The following SREBF2 variants were observed in gnomAD, a reference collection of about 807,000 sequenced individuals.
SREBF2 encodes the protein sterol regulatory element binding transcription factor 2.
SREBF2 carries 55 observed loss-of-function variants against 113.1 expected under a neutral mutation model. The observed-to-expected ratio is 0.49, with a 90% CI of 0.39 to 0.61. The LOEUF (loss-of-function observed/expected upper bound fraction) is 0.61, where lower values mean the gene tolerates loss of function less well. SREBF2 is among the 20% of genes least tolerant of loss of function. The probability of loss-of-function intolerance (pLI) is 0.00; values close to 1 mark genes in which losing one functional copy is unlikely to be tolerated. For missense variants in SREBF2, 1,349 were observed against 1,487.4 expected, an observed-to-expected ratio of 0.91 and a Z score of 1.53; for synonymous variants, 593 against 605.7, an observed-to-expected ratio of 0.98 and a Z score of 0.31.
chr22:41,852,090 C>T (rs889458528), intron 1 of SREBF2, among the ~76,000 whole-genome samples: 2 of 151,962 alleles, frequency 1.3e-5, no homozygotes, highest in Non-Finnish European at 2.9e-5. Context: ...CACTGCACTC[C>T]AGCCTGGGCG....
At chr22:41,886,774 C>G (rs1307347213) in intron 11 of SREBF2, among the ~76,000 whole-genome samples, 1 of 152,262 alleles carries the variant, frequency 6.6e-6, no homozygotes, top group Non-Finnish European at 1.5e-5. Context: ...TGGCTTACCC[C>G]TGTAATCCCG....
At chr22:41,885,059 C>A (rs1421581021) in intron 11 of SREBF2, 48 bp downstream of exon 11, 1 of 1,606,564 alleles carries the variant, frequency 6.2e-7, no homozygotes, top group Admixed American at 1.7e-5. Flanking sequence ...GAGCACTTAC[C>A]TAGCCAGGAG....
Position 41,905,802 on chromosome 22 carries a change from A to T in SREBF2, c.*142A>T. ...GCTTCTGGGCCACTCAGGCCAGTGC[A>T]CCCCTGGGCAGAGCCCCTTAAAGCT... is the stretch of plus-strand genomic sequence containing the variant. On this transcript the variant is annotated 3_prime_UTR_variant, in exon 19 of 19. Transcript: ENST00000361204. 1.1e-6 allele frequency: 1 copy of T among 940,914 alleles called. No homozygotes were observed. The highest frequency in any genetic ancestry group is 1.7e-6 in the Non-Finnish European group (1 of 593,794). The allele number at this position is 940,914 out of a possible 1,614,324, so 58.3% of individuals were successfully genotyped here.
Position 41,866,942 on chromosome 22 carries a change from GTGGCAGCAGCAGCAGCAGCAGCAA to G in SREBF2, c.207_230del (p.Ser69_Gly76del), listed in dbSNP as rs1569388283. The G allele has an allele frequency of 3.1e-6, 5 of 1,613,764 alleles. No individual in the cohort carries two copies. Among genetic ancestry groups the G allele is most frequent in the Admixed American group, 3.3e-5 (2 of 60,002 alleles). ...GGTAGTGGTAGCAGCAGCGGCAGCA[GTGGCAGCAGCAGCAGCAGCAGCAA>G]TGGCAGGGGCAGCAGCAGCGGAGCT... is the stretch of plus-strand genomic sequence containing the variant. On this transcript the variant is annotated inframe_deletion, in exon 2 of 19. Coordinates refer to ENST00000361204, the MANE Select transcript of SREBF2 (RefSeq NM_004599.4).
chr22:41,848,353 C>T (rs1349294850), intron 1 of SREBF2, among the ~76,000 whole-genome samples: 1 of 152,098 alleles, frequency 6.6e-6, no homozygotes, highest in Non-Finnish European at 1.5e-5. Context: ...TCCCAAAGTG[C>T]TGGGATTACA....
chr22:41,900,132 G>C lies in SREBF2; in HGVS notation c.2739-198G>C, dbSNP rs1255970368. ...CCAGCATTGAATGAAGGTGCTAAAG[G>C]GTGGGGCGCTAACCCTAGCTCAGGG... is the stretch of plus-strand genomic sequence containing the variant. On this transcript the variant is annotated intron_variant, in intron 15 of 18. Transcript: ENST00000361204. The C allele has an allele frequency of 2.0e-6, 3 of 1,475,934 alleles. No individual in the cohort carries two copies. In the African/African-American group the frequency reaches 4.2e-5, roughly 21 times the overall value. 91.4% of individuals were successfully genotyped at this position (1,475,934 alleles called of 1,614,324 possible).
In SREBF2 at chr22:41,905,079, G is replaced by A. The variant is rs913289730; in HGVS notation, c.3205+105G>A. On this transcript the variant is annotated intron_variant, in intron 18 of 18. Transcript: ENST00000361204. ...CTCCCACATCTGGCATTGGTGCCCAGCACACCTCTCGCCTCTCTGAGAATG... is the reference window on the plus strand; with the variant it reads ...CTCCCACATCTGGCATTGGTGCCCAACACACCTCTCGCCTCTCTGAGAATG... 2.5e-5 allele frequency: 27 copies of A among 1,087,496 alleles called. No homozygotes were observed. The South Asian group carries it at 2.9e-4, about 12-fold the overall frequency. The allele number at this position is 1,087,496 out of a possible 1,614,324, so 67.4% of individuals were successfully genotyped here. A position where few individuals can be genotyped will look rare whatever the true frequency, so the allele number is the denominator to read the frequency against.
intron 15 of SREBF2, chr22:41,899,555 T>C (rs2148418586): frequency 1.0e-6 from 1 of 991,996 alleles, no homozygotes; most frequent in Middle Eastern, 5.2e-4. Context: ...CTGAGAAGAG[T>C]GAGTATACAC....
At chr22:41,901,851 C>A (rs962447310) in intron 16 of SREBF2, among the ~76,000 whole-genome samples, 2 of 152,206 alleles carry the variant, frequency 1.3e-5, no homozygotes. Context: ...GACTGGGGTT[C>A]CTTGGTAGCA....
Position 41,866,955 on chromosome 22 carries a change from C to G in SREBF2, c.213C>G (p.Ser71Arg), listed in dbSNP as rs1348441754. 1 of 1,614,066 alleles carries G rather than the reference C, an allele frequency of 6.2e-7. No homozygotes were observed. The highest frequency in any genetic ancestry group is 1.7e-5 in the Admixed American group (1 of 60,014). Residue 71 changes from serine to arginine, a missense_variant, in exon 2 of 19, where the codon AGC becomes AGG. Coordinates refer to ENST00000361204, the MANE Select transcript of SREBF2 (RefSeq NM_004599.4). ...GSSSGSSGSS[S>R]SSSNGRGSSS... The stretch of plus-strand genomic sequence containing the variant: ...GCAGCGGCAGCAGTGGCAGCAGCAG[C>G]AGCAGCAGCAATGGCAGGGGCAGCA...
At chr22:41,878,638 GTTTTCA>G in intron 9 of SREBF2, 1 of 1,296,962 alleles carries the variant, frequency 7.7e-7, no homozygotes, top group East Asian at 5.6e-5. Flanking sequence ...CTAGCTGAAA[GTTTTCA>G]TTTGAAATCA....
intron 10 of SREBF2, among the ~76,000 whole-genome samples, chr22:41,883,782 C>CACAGGGCTGGATGA (rs2077272402): frequency 6.6e-6 from 1 of 152,194 alleles, no homozygotes; most frequent in Non-Finnish European, 1.5e-5. Flanking sequence ...GGAGGGGGAA[C>CACAGGGCTGGATGA]ACAGGGCTGG....
intron 5 of SREBF2, 51 bp downstream of exon 5, chr22:41,874,070 T>A: frequency 6.2e-7 from 1 of 1,600,136 alleles, no homozygotes; most frequent in Non-Finnish European, 8.6e-7. Context: ...CCCCTCTACC[T>A]GTTTTTGCCT....
At chr22:41,885,042 C>T in intron 11 of SREBF2, 31 bp downstream of exon 11, 12 of 1,612,600 alleles carry the variant, frequency 7.4e-6, no homozygotes, top group Non-Finnish European at 1.0e-5. Context: ...TTCTGTAAAC[C>T]TCCCCTGAGC....
intron 12 of SREBF2, among the ~76,000 whole-genome samples, chr22:41,893,829 G>A (rs957636474): frequency 2.6e-5 from 4 of 152,116 alleles, no homozygotes; most frequent in Admixed American, 6.5e-5. Flanking sequence ...TGACTCGCCC[G>A]GCCTTGGAGC....
At chr22:41,893,353 TG>T (rs1180484147) in intron 12 of SREBF2, 68 bp downstream of exon 12, 33 of 1,533,660 alleles carry the variant, frequency 2.2e-5, no homozygotes, top group Non-Finnish European at 2.9e-5. Context: ...ACAGAGTCAC[TG>T]CACCAGACAC....
At position 41,866,918 on chromosome 22, in the gene SREBF2, G is replaced by A. The variant is rs528551323; in HGVS notation, c.176G>A (p.Gly59Asp). Residue 59 changes from glycine (G) to aspartate (D), a missense_variant, in exon 2 of 19, where the codon GGT becomes GAT. Transcript: ENST00000361204. ...TGTAGCTCCTTTCCTGGCAGTGGTGGTAGTGGTAGCAGCAGCGGCAGCAGT... is the reference window on the plus strand; with the variant it reads ...TGTAGCTCCTTTCCTGGCAGTGGTGATAGTGGTAGCAGCAGCGGCAGCAGT... ...QLCSSFPGSG[G>D]SGSSSGSSGS... 7 of 1,614,266 alleles carry A rather than the reference G, an allele frequency of 4.3e-6. No individual in the cohort carries two copies. The South Asian group carries it at 6.6e-5, about 15-fold the overall frequency.
At chr22:41,904,737 G>A (rs936076657) in intron 17 of SREBF2, 126 bp from the exon 18 acceptor site, 4 of 805,460 alleles carry the variant, frequency 5.0e-6, no homozygotes, top group Non-Finnish European at 8.6e-6. Context: ...TCAGGGGTGA[G>A]CAAGGCAGGG....
chr22:41,882,304 G>T (rs1279407726), intron 10 of SREBF2, among the ~76,000 whole-genome samples: 1 of 152,184 alleles, frequency 6.6e-6, no homozygotes, highest in Non-Finnish European at 1.5e-5. Context: ...ACCAACAAAG[G>T]TAAAGAAAAT....
Sources: gnomAD v4.1 joint callset for allele counts (sites outside exome capture counted in the v4.1 genomes callset) on GRCh38, gnomAD v4.1.1 for gene constraint, MANE v1.5 for transcripts, NCBI Gene and HGNC (gene_info 2026-07-23, HGNC 2026-07-21) for gene names.